The following PTCH2 variants were observed in gnomAD, a reference collection of about 807,000 sequenced individuals.
PTCH2 encodes the protein protein patched homolog 2.
In PTCH2, 96 loss-of-function variants were observed where a neutral mutation model predicts 117.9. That is an observed-to-expected ratio of 0.81 (90% confidence interval 0.69 to 0.96). The LOEUF is 0.96. Among genes scored for constraint, PTCH2 ranks in the 50% least tolerant of loss-of-function variants. The pLI is 0.00. For synonymous variants in PTCH2, 615 were observed against 660.9 expected (o/e 0.93, Z 1.06); for missense variants, 1,379 against 1,562.5 (o/e 0.88, Z 1.98).
Position 44,823,430 on chromosome 1 carries a change from G to A in PTCH2, c.3115-45C>T. On this transcript the variant is annotated intron_variant, in intron 19 of 21. Coordinates refer to ENST00000372192, the MANE Select transcript of PTCH2 (RefSeq NM_003738.5). The surrounding 1 kb of genome is among the most constrained non-coding windows in gnomAD (Gnocchi z 5.1). ...CTGGAGCTGCTCCTCTGCCAGTCAT[G>A]GCCAGCTCAGCCATGTCCCGAGCTG... The A allele has an allele frequency of 6.2e-7, 1 of 1,613,680 alleles. No homozygotes were observed. Among genetic ancestry groups the A allele is most frequent in the Non-Finnish European group, 8.5e-7 (1 of 1,179,892 alleles).
intron 19 of PTCH2, among the ~76,000 whole-genome samples, chr1:44,824,499 CA>C (rs764745182): frequency 2.9e-5 from 2 of 69,902 alleles, no homozygotes; most frequent in Admixed American, 1.3e-4. Flanking sequence ...GCTACCATCC[CA>C]TTTTTTTTTT....
rs146389042 is a variant in PTCH2, at chr1:44,827,667, G to A, written c.2106C>T (p.Tyr702=). The stretch of plus-strand genomic sequence containing the variant: ...GGCCGTCTTGCACCAAGGTGGCTCC[G>A]TAGAGGCTCAGGCCCAGAAGAGCAC... The part of the protein sequence containing the change: ...LFGALLGLSL[Y]GATLVQDGLA... Residue 702 remains tyrosine, a synonymous_variant, in exon 15 of 22, where the codon TAC becomes TAT. Transcript: ENST00000372192. 39 of 1,612,670 alleles carry A rather than the reference G, an allele frequency of 2.4e-5. No homozygotes were observed. The highest frequency in any genetic ancestry group is 1.6e-4 in the Middle Eastern group (1 of 6,084).
downstream of PTCH2, chr1:44,821,874 A>G (rs147018154): frequency 6.0e-3 from 8,251 of 1,365,722 alleles, 22 homozygotes; most frequent in Non-Finnish European, 7.1e-3. Flanking sequence ...GCTCCTTCCA[A>G]TAGCTAATGT....
rs776537011 is a variant in PTCH2 at position 44,829,255 on chromosome 1, C to T, written c.1273G>A (p.Val425Met). The T allele has an allele frequency of 1.7e-5, 28 of 1,613,404 alleles. No homozygotes were observed. Among genetic ancestry groups the T allele is most frequent in the South Asian group, 9.9e-5 (9 of 91,074 alleles). Residue 425 changes from valine (V) to methionine (M), a missense_variant, in exon 10 of 22, where the codon GTG (valine) becomes ATG (methionine). Transcript: ENST00000372192. ...ACCAGCAGTACCCCGGCAAGGCCCA[C>T]GGAACCCTGGGACTGGGCGCAGTCC... is the stretch of plus-strand genomic sequence containing the variant. Reference protein sequence around the residue: ...RWDCAQSQGSVGLAGVLLVAL... With the variant: ...RWDCAQSQGSMGLAGVLLVAL...
chr1:44,840,449 AC>A (rs1653894877), intron 2 of PTCH2, among the ~76,000 whole-genome samples: 1 of 146,098 alleles, frequency 6.8e-6, no homozygotes, highest in Non-Finnish European at 1.5e-5. Context: ...GGTGGCTCAC[AC>A]CTGTAATCCC....
intron 2 of PTCH2, among the ~76,000 whole-genome samples, chr1:44,832,699 A>ACTTACCAGT: frequency 6.6e-6 from 1 of 152,070 alleles, no homozygotes; most frequent in Non-Finnish European, 1.5e-5. Flanking sequence ...TGGTAAGGGA[A>ACTTACCAGT]CCCTCGCTCA....
Position 44,828,277 on chromosome 1 carries a change from G to A in PTCH2, c.1709+19C>T, listed in dbSNP as rs1265027304. On this transcript the variant is annotated intron_variant, in intron 13 of 21. Transcript: ENST00000372192. ...CTGGCGTGGGTCACGGGAGGAAGGGGCTGGGGCGCAGGCAGTACCTGGAGA... is the reference window on the plus strand; with the variant it reads ...CTGGCGTGGGTCACGGGAGGAAGGGACTGGGGCGCAGGCAGTACCTGGAGA... 5 of 1,613,414 alleles carry A rather than the reference G, an allele frequency of 3.1e-6. No individual in the cohort carries two copies. The Admixed American group carries it at 5.0e-5, about 16-fold the overall frequency.
chr1:44,842,274 CTTTTTTTTTTT>C (rs200149437), intron 1 of PTCH2, among the ~76,000 whole-genome samples: 57 of 130,936 alleles, frequency 4.4e-4, no homozygotes, highest in African/African-American at 1.2e-3. Flanking sequence ...GTTTTCTCTC[CTTTTTTTTTTT>C]TTTTTTTTTT....
rs768951349 is a variant in PTCH2 at position 44,830,587 on chromosome 1, C to CAAAAAA, written c.813+255_813+260dup. Reference sequence around the variant, plus strand: ...CCAGCCTGGGTGACAGAGTGAGACTCAAAAAAAAAAAAAAAAAGAAGTCCA... The same window carrying CAAAAAA: ...CCAGCCTGGGTGACAGAGTGAGACTCAAAAAAAAAAAAAAAAAAAAAAAGAAGTCCA... On this transcript the variant is annotated intron_variant, in intron 6 of 21. Transcript: ENST00000372192. Among the ~76,000 whole-genome samples, 139 of 65,096 alleles carry CAAAAAA rather than the reference C, an allele frequency of 2.1e-3. 3 individuals carry two copies. The highest frequency in any genetic ancestry group is 5.9e-3 in the African/African-American group (87 of 14,696). 42.7% of individuals were successfully genotyped at this position (65,096 alleles called of 152,430 possible). A position where few individuals can be genotyped will look rare whatever the true frequency, so the allele number is the denominator to read the frequency against.
intron 1 of PTCH2, among the ~76,000 whole-genome samples, chr1:44,842,599 G>C (rs769750331): frequency 5.3e-5 from 8 of 152,288 alleles, no homozygotes; most frequent in Non-Finnish European, 1.2e-4. Context: ...TTTTCTGAGA[G>C]CAGGATACAT....
chr1:44,842,577 G>A (rs1654001756), intron 1 of PTCH2, among the ~76,000 whole-genome samples: 1 of 152,052 alleles, frequency 6.6e-6, no homozygotes, highest in South Asian at 2.1e-4. Flanking sequence ...GCGCCCGGCC[G>A]GCATAGGCCC....
intron 21 of PTCH2, 59 bp from the exon 22 acceptor site, chr1:44,822,728 A>G: frequency 2.0e-6 from 3 of 1,537,142 alleles, no homozygotes; most frequent in Middle Eastern, 1.9e-4. Context: ...CGTCCCCTTT[A>G]GCATCTCGCT....
rs540543127 is a variant in PTCH2 at position 44,825,622 on chromosome 1, G to A, written c.3114+628C>T. Among the ~76,000 whole-genome samples, 12 of 152,074 alleles carry A rather than the reference G, an allele frequency of 7.9e-5. No homozygotes were observed. The East Asian group carries it at 1.7e-3, about 22-fold the overall frequency. ...GCTCACTGTAACCTCCGCCTCCTGG[G>A]TTCAAGTAATTCTCCTGCCTCAGCC... is the stretch of plus-strand genomic sequence containing the variant. On this transcript the variant is annotated intron_variant, in intron 19 of 21. Coordinates refer to ENST00000372192, the MANE Select transcript of PTCH2 (RefSeq NM_003738.5).
chr1:44,827,883 C>T lies in PTCH2; in HGVS notation c.2018G>A (p.Arg673His), dbSNP rs760548568. The change falls in exon 14 of 22, where the codon CGC (arginine) becomes CAC (histidine). Residue 673 changes from arginine (R) to histidine (H), a missense_variant. By Grantham distance (29) the Arg-to-His change is conservative. Transcript: ENST00000372192. ...GAGCAGCAACGGGGCAAACTGATAG[C>T]GGGCGAAATGGGCAAGATTCCAGCG... ...CARWNLAHFA[R>H]YQFAPLLLQS... 3.7e-5 allele frequency: 60 copies of T among 1,614,032 alleles called. No homozygotes were observed. The highest frequency in any genetic ancestry group is 2.5e-4 in the Admixed American group (15 of 60,008).
chr1:44,837,082 T>G lies in PTCH2; in HGVS notation c.266-4741A>C, dbSNP rs1006114399. Among the ~76,000 whole-genome samples the G allele has an allele frequency of 3.9e-5, 6 of 152,328 alleles. 1 individual carries two copies. In the East Asian group the frequency reaches 7.7e-4, roughly 20 times the overall value. On this transcript the variant is annotated intron_variant, in intron 2 of 21. Transcript: ENST00000372192. ...TGTTGAAGATGGCAGAGGAGAAAGA[T>G]AGAAAGAAACTGGGTCCTTGCTAAT...
chr1:44,823,260 G>A lies in PTCH2; in HGVS notation c.3240C>T (p.His1080=). The part of the protein sequence containing the change: ...LLGLLMLAGS[H]FDFIVRYFFA... Reference sequence around the variant, plus strand: ...CTCCCTACCTTACAATGAAGTCAAAGTGGGAACCAGCAAGCATGAGCAGAC... The same window carrying A: ...CTCCCTACCTTACAATGAAGTCAAAATGGGAACCAGCAAGCATGAGCAGAC... The change falls in exon 20 of 22, where the codon CAC becomes CAT. Residue 1080 remains histidine (H), a synonymous_variant. Coordinates refer to ENST00000372192, the MANE Select transcript of PTCH2 (RefSeq NM_003738.5). The surrounding 1 kb of genome is among the most constrained non-coding windows in gnomAD (Gnocchi z 5.1). The A allele has an allele frequency of 6.2e-7, 1 of 1,614,224 alleles. No individual in the cohort carries two copies. The highest frequency in any genetic ancestry group is 8.5e-7 in the Non-Finnish European group (1 of 1,180,026).
In PTCH2 at chr1:44,831,847, G is replaced by A; in HGVS notation, c.526-50C>T. ...TCAGTCCTGCCCCACAACCTTTGTAGGATGCCCTCTGCAATCCCCCTCCTT... is the reference window on the plus strand; with the variant it reads ...TCAGTCCTGCCCCACAACCTTTGTAAGATGCCCTCTGCAATCCCCCTCCTT... On this transcript the variant is annotated intron_variant, in intron 4 of 21. Transcript: ENST00000372192. The surrounding 1 kb of genome is among the most constrained non-coding windows in gnomAD (Gnocchi z 4.3). 6.3e-7 allele frequency: 1 copy of A among 1,595,758 alleles called. No homozygotes were observed. Among genetic ancestry groups the A allele is most frequent in the Non-Finnish European group, 8.6e-7 (1 of 1,163,594 alleles).
intron 2 of PTCH2, among the ~76,000 whole-genome samples, chr1:44,835,379 G>C (rs909499250): frequency 6.6e-6 from 1 of 152,092 alleles, no homozygotes; most frequent in Non-Finnish European, 1.5e-5. Context: ...CTTTACCAAC[G>C]GGAAAATATA....
Position 44,823,261 on chromosome 1 carries a change from TG to T in PTCH2, c.3238del (p.His1080ThrfsTer6). 6.2e-7 allele frequency: 1 copy of T among 1,614,156 alleles called. No individual in the cohort carries two copies. Among genetic ancestry groups the T allele is most frequent in the Non-Finnish European group, 8.5e-7 (1 of 1,180,008 alleles). On this transcript the variant is annotated frameshift_variant, in exon 20 of 22. Coordinates refer to ENST00000372192, the MANE Select transcript of PTCH2 (RefSeq NM_003738.5). LOFTEE classifies it high-confidence loss of function. The surrounding 1 kb of genome is among the most constrained non-coding windows in gnomAD (Gnocchi z 5.1). ...LLGLLMLAGS[H>X]FDFIVRYFFA... ...TCCCTACCTTACAATGAAGTCAAAG[TG>T]GGAACCAGCAAGCATGAGCAGACCC...
Sources: gnomAD v4.1 joint callset for allele counts (sites outside exome capture counted in the v4.1 genomes callset) on GRCh38, gnomAD v4.1.1 for gene constraint, Gnocchi (gnomAD v3.1) non-coding constraint, MANE v1.5 for transcripts, NCBI Gene and HGNC (gene_info 2026-07-23, HGNC 2026-07-21) for gene names.